The following MITF variants were observed in gnomAD, a reference collection of about 807,000 sequenced individuals.
The protein encoded by MITF is microphthalmia-associated transcription factor.
In MITF, 17 loss-of-function variants were observed where a neutral mutation model predicts 60.5. That is an observed-to-expected ratio of 0.28 (90% CI 0.19 to 0.42). MITF has a LOEUF of 0.42. MITF is among the 10% of genes least tolerant of loss of function. The probability of loss-of-function intolerance (pLI) is 1.00; values close to 1 mark genes in which losing one functional copy is unlikely to be tolerated. For synonymous variants in MITF, 260 were observed against 248.5 expected (o/e 1.05, Z -0.43); for missense variants, 622 against 683.5 (o/e 0.91, Z 1.00).
chr3:69,788,101 G>A (rs1195871323), intron 1 of MITF, among the ~76,000 whole-genome samples: 1 of 151,360 alleles, frequency 6.6e-6, no homozygotes, highest in African/African-American at 2.4e-5. Flanking sequence ...TTCATTCTGG[G>A]ACCTGTCTTC....
chr3:69,796,872 T>C (rs2062840393), intron 1 of MITF, among the ~76,000 whole-genome samples: 1 of 152,160 alleles, frequency 6.6e-6, no homozygotes, highest in Non-Finnish European at 1.5e-5. Context: ...CATTTCAAAA[T>C]ACTTGAGCAA....
At chr3:69,784,230 A>G (rs2062612898) in intron 1 of MITF, among the ~76,000 whole-genome samples, 1 of 152,158 alleles carries the variant, frequency 6.6e-6, no homozygotes. Flanking sequence ...ATCTCCAGGA[A>G]GGAACAACAT....
At chr3:69,821,232 G>A (rs2063265993) in intron 1 of MITF, among the ~76,000 whole-genome samples, 1 of 152,176 alleles carries the variant, frequency 6.6e-6, no homozygotes, top group Non-Finnish European at 1.5e-5. Context: ...GAATTCAGAA[G>A]TGTAGGTCAG....
chr3:69,790,969 A>G (rs898332383), intron 1 of MITF, among the ~76,000 whole-genome samples: 2 of 152,234 alleles, frequency 1.3e-5, no homozygotes, highest in African/African-American at 2.4e-5. Flanking sequence ...TAGATGGTGG[A>G]TGCTCTGCGA....
At chr3:69,847,478 T>C (rs758802450) in intron 1 of MITF, among the ~76,000 whole-genome samples, 5 of 152,160 alleles carry the variant, frequency 3.3e-5, no homozygotes, top group Middle Eastern at 3.2e-3. Flanking sequence ...TTTACTTACA[T>C]ATGGGGAAAT....
At chr3:69,952,805 AT>A (rs1234002892) in intron 7 of MITF, among the ~76,000 whole-genome samples, 2 of 152,026 alleles carry the variant, frequency 1.3e-5, no homozygotes, top group South Asian at 2.1e-4. Flanking sequence ...TTTTATGTTG[AT>A]TTTTTTCTAC....
At chr3:69,948,927 A>G in intron 5 of MITF, 124 bp from the exon 6 acceptor site, 1 of 764,092 alleles carries the variant, frequency 1.3e-6, no homozygotes, top group Admixed American at 2.1e-5. Context: ...TTCCTATTTT[A>G]AAAATGATTT....
At chr3:69,899,098 A>G (rs1485034420) in intron 2 of MITF, among the ~76,000 whole-genome samples, 3 of 152,128 alleles carry the variant, frequency 2.0e-5, no homozygotes, top group African/African-American at 7.2e-5. Flanking sequence ...AGAACGGGGG[A>G]AGTGTTTGGG....
At chr3:69,863,118 T>C (rs2064046934) in intron 1 of MITF, among the ~76,000 whole-genome samples, 1 of 152,190 alleles carries the variant, frequency 6.6e-6, no homozygotes, top group Non-Finnish European at 1.5e-5. Flanking sequence ...TTTAAAGATA[T>C]TCATCAAGCC....
intron 1 of MITF, among the ~76,000 whole-genome samples, chr3:69,843,217 T>C (rs2063671417): frequency 6.6e-6 from 1 of 151,904 alleles, no homozygotes; most frequent in Non-Finnish European, 1.5e-5. Context: ...TTTGTTTCTC[T>C]GGATACCCAA....
intron 7 of MITF, among the ~76,000 whole-genome samples, chr3:69,953,065 T>C (rs2066296042): frequency 6.6e-6 from 1 of 152,168 alleles, no homozygotes; most frequent in South Asian, 2.1e-4. Flanking sequence ...AGGCACAACT[T>C]CTGGGTCCTG....
At chr3:69,815,548 T>C (rs2063168412) in intron 1 of MITF, among the ~76,000 whole-genome samples, 2 of 152,204 alleles carry the variant, frequency 1.3e-5, no homozygotes, top group Non-Finnish European at 2.9e-5. Context: ...CCGGCTTACT[T>C]TATTGTAAGA....
intron 2 of MITF, among the ~76,000 whole-genome samples, chr3:69,890,483 G>A (rs2064735063): frequency 1.3e-5 from 2 of 152,066 alleles, no homozygotes; most frequent in African/African-American, 2.4e-5. Flanking sequence ...CAGACATTAG[G>A]GGACAAGGAG....
chr3:69,957,471 T>G (rs999614087), intron 8 of MITF, among the ~76,000 whole-genome samples: 1 of 152,214 alleles, frequency 6.6e-6, no homozygotes, highest in Non-Finnish European at 1.5e-5. Context: ...TTTTGATGAA[T>G]GTACAAGCAC....
rs780036017 is a variant in MITF, at chr3:69,965,232, C to T, written c.1565C>T (p.Thr522Met). ...AGGAGCAGTATGAGCATGGAAGAGA[C>T]GGAGCACACTTGTTAGCGAATCCTC... The part of the protein sequence containing the change: ...SRRSSMSMEE[T>M]EHTC The change falls in exon 10 of 10, where the codon ACG (threonine) becomes ATG (methionine). Residue 522 changes from threonine (T) to methionine (M), a missense_variant. Transcript: ENST00000352241. 1.7e-5 allele frequency: 28 copies of T among 1,613,746 alleles called. No homozygotes were observed. Among genetic ancestry groups the T allele is most frequent in the Middle Eastern group, 1.6e-4 (1 of 6,080 alleles).
rs557973625 is a variant in MITF at position 69,847,854 on chromosome 3, T to A, written c.105-31280T>A. Among the ~76,000 whole-genome samples the A allele has an allele frequency of 1.9e-4, 29 of 152,340 alleles. No individual in the cohort carries two copies. In the East Asian group the frequency reaches 5.4e-3, roughly 28 times the overall value. ...TGGGGAAGCCCTTCATAACAGGAAT[T>A]CTTATTTTGATTCAGATAACACATG... On this transcript the variant is annotated intron_variant, in intron 1 of 9. Transcript: ENST00000352241.
chr3:69,804,043 C>A (rs2062965940), intron 1 of MITF, among the ~76,000 whole-genome samples: 1 of 152,034 alleles, frequency 6.6e-6, no homozygotes, highest in Non-Finnish European at 1.5e-5. Context: ...GGTTGAACAC[C>A]ACAAAACACA....
rs560187711 is a variant in MITF, at chr3:69,852,744, C to T, written c.105-26390C>T. ...TTGGTAGATACTGCAAACCATTTTC[C>T]AAAAGTCTTTCTGTGAATTTACACC... On this transcript the variant is annotated intron_variant, in intron 1 of 9. Coordinates refer to ENST00000352241, the MANE Select transcript of MITF (RefSeq NM_001354604.2). Among the ~76,000 whole-genome samples the T allele has an allele frequency of 2.6e-5, 4 of 152,264 alleles. 1 individual carries two copies. The highest frequency in any genetic ancestry group is 9.6e-5 in the African/African-American group (4 of 41,570).
chr3:69,842,053 C>A (rs9830086), intron 1 of MITF, among the ~76,000 whole-genome samples: 75,852 of 151,992 alleles, frequency 0.5, 20,568 homozygotes, highest in Non-Finnish European at 0.63. Context: ...AACATGATAC[C>A]TATCAAATAT....
Sources: gnomAD v4.1 joint callset for allele counts (sites outside exome capture counted in the v4.1 genomes callset) on GRCh38, gnomAD v4.1.1 for gene constraint, MANE v1.5 for transcripts, NCBI Gene and HGNC (gene_info 2026-07-23, HGNC 2026-07-21) for gene names.